The following XPC variants were observed in gnomAD, a reference collection of about 807,000 sequenced individuals.
XPC encodes the protein DNA repair protein complementing XP-C cells.
A neutral mutation model predicts 95.8 loss-of-function variants in XPC; 76 were observed. The observed-to-expected ratio is 0.79, with a 90% CI of 0.66 to 0.96. The LOEUF is 0.96. Among genes scored for constraint, XPC ranks in the 40% least tolerant of loss-of-function variants. XPC has a pLI of 0.00. For synonymous variants in XPC, 442 were observed against 442.1 expected (o/e 1.00, Z 0.00); for missense variants, 1,146 against 1,179.8 (o/e 0.97, Z 0.42).
At chr3:14,150,041 T>A (rs998778531) in intron 11 of XPC, 2 of 152,362 alleles carry the variant, frequency 1.3e-5, no homozygotes, top group African/African-American at 4.8e-5. Flanking sequence ...TAACTGTCCA[T>A]CAGTAGAGCC....
chr3:14,146,012 C>A lies in XPC; in HGVS notation c.2752G>T (p.Gly918Cys), dbSNP rs755842118. The A allele has an allele frequency of 6.2e-7, 1 of 1,612,150 alleles. No individual in the cohort carries two copies. The highest frequency in any genetic ancestry group is 1.7e-5 in the Admixed American group (1 of 59,974). ...TCCCTTTTGGTCTTCTTGGGCCCAC[C>A]CTTCAGCTTCTGCTTTTCTTCATCT... ...REDEEKQKLK[G>C]GPKKTKREKK... The change falls in exon 16 of 16, where the codon GGT (glycine) becomes TGT (cysteine). Residue 918 changes from glycine to cysteine, a missense_variant. Coordinates refer to ENST00000285021, the MANE Select transcript of XPC (RefSeq NM_004628.5).
chr3:14,169,804 C>T (rs1474061046), intron 3 of XPC, among the ~76,000 whole-genome samples: 1 of 152,050 alleles, frequency 6.6e-6, no homozygotes, highest in Admixed American at 6.5e-5. Flanking sequence ...GTTAATGAAC[C>T]TAGGTGAAGG....
At chr3:14,167,414 G>C (rs1046819854) in intron 4 of XPC, 161 bp from the exon 5 acceptor site, 1 of 619,398 alleles carries the variant, frequency 1.6e-6, no homozygotes, top group Non-Finnish European at 2.6e-6. Flanking sequence ...GCTATTTCCT[G>C]CAGGCTCTTT....
chr3:14,165,030 A>C (rs1013946412), intron 6 of XPC, 97 bp from the exon 7 acceptor site: 402 of 1,457,936 alleles, frequency 2.8e-4, no homozygotes, highest in East Asian at 9.3e-4. Context: ...GAATCGTGAG[A>C]CCCGCCTGCC....
At chr3:14,163,593 G>T (rs1696250938) in intron 7 of XPC, among the ~76,000 whole-genome samples, 1 of 151,940 alleles carries the variant, frequency 6.6e-6, no homozygotes, top group Non-Finnish European at 1.5e-5. Context: ...CACGAGCAGG[G>T]ACAGGGGGGT....
chr3:14,167,359 G>A (rs1696426531), intron 4 of XPC, 106 bp from the exon 5 acceptor site: 3 of 1,002,548 alleles, frequency 3.0e-6, no homozygotes, highest in African/African-American at 3.3e-5. Context: ...CACTCTCCCT[G>A]TTTCCCTACA....
At chr3:14,170,642 T>C (rs1467262079) in intron 2 of XPC, 92 bp from the exon 3 acceptor site, 2 of 911,996 alleles carry the variant, frequency 2.2e-6, no homozygotes, top group Non-Finnish European at 3.4e-6. Context: ...CCCCTCCTAT[T>C]TATTGAGAAT....
chr3:14,149,054 C>A (rs962426855), intron 11 of XPC, 106 bp from the exon 12 acceptor site: 8 of 1,476,862 alleles, frequency 5.4e-6, no homozygotes, highest in South Asian at 1.3e-5. Context: ...GGTGAACCCT[C>A]AGAACACACC....
chr3:14,151,746 C>T (rs1008408470), intron 11 of XPC: 1 of 152,546 alleles, frequency 6.6e-6, no homozygotes, highest in Non-Finnish European at 1.5e-5. Context: ...AGCAACCAGC[C>T]TAACAGTGCC....
chr3:14,174,146 T>A lies in XPC; in HGVS notation c.104-1084A>T, dbSNP rs370513922. Among the ~76,000 whole-genome samples the A allele has an allele frequency of 7.2e-4, 109 of 152,334 alleles. 1 individual carries two copies. In the South Asian group the frequency reaches 0.021, roughly 29 times the overall value. ...ATTTATTTTAATGTTAGATCATTGA[T>A]TCCGTTGTTTCTTTAAATGTTTTAT... On this transcript the variant is annotated intron_variant, in intron 1 of 15. Transcript: ENST00000285021.
chr3:14,146,219 G>A, intron 15 of XPC, 60 bp from the exon 16 acceptor site: 2 of 1,487,056 alleles, frequency 1.3e-6, no homozygotes, highest in African/African-American at 2.8e-5. Context: ...ATACCAGGAA[G>A]CCCCATGAAG....
chr3:14,149,085 C>T (rs1695577648), intron 11 of XPC, 137 bp from the exon 12 acceptor site: 1 of 1,284,472 alleles, frequency 7.8e-7, no homozygotes, highest in Non-Finnish European at 1.1e-6. Flanking sequence ...GGTGCTTTTT[C>T]TCCCTTTTTT....
chr3:14,170,077 A>G (rs1275912024), intron 3 of XPC, among the ~76,000 whole-genome samples: 1 of 152,256 alleles, frequency 6.6e-6, no homozygotes, highest in Non-Finnish European at 1.5e-5. Flanking sequence ...CAGAGAGGTG[A>G]AGTTACTTGC....
intron 14 of XPC, chr3:14,147,690 CCA>C: frequency 1.0e-5 from 6 of 599,532 alleles, no homozygotes; most frequent in South Asian, 2.1e-5. Context: ...GCAGTAGACC[CCA>C]GAGCCCGGAC....
chr3:14,171,730 G>A (rs1468399147), intron 2 of XPC, among the ~76,000 whole-genome samples: 1 of 152,104 alleles, frequency 6.6e-6, no homozygotes, highest in African/African-American at 2.4e-5. Context: ...CAGCTACTCA[G>A]GAGGCTCACT....
chr3:14,164,210 T>C (rs1696279848), intron 7 of XPC, among the ~76,000 whole-genome samples: 1 of 152,210 alleles, frequency 6.6e-6, no homozygotes, highest in Admixed American at 6.5e-5. Flanking sequence ...GATTGAACTG[T>C]ATGGATTAAT....
chr3:14,147,535 G>T, intron 14 of XPC, 156 bp from the exon 15 acceptor site: 1 of 734,844 alleles, frequency 1.4e-6, no homozygotes, highest in Non-Finnish European at 2.2e-6. Context: ...AAATTGATCT[G>T]ATTTACAAAG....
At chr3:14,149,366 T>A (rs1695591334) in intron 11 of XPC, 1 of 175,590 alleles carries the variant, frequency 5.7e-6, no homozygotes, top group African/African-American at 2.4e-5. Context: ...ATTACAGGCG[T>A]GAGCCACCGT....
At chr3:14,163,876 C>T (rs1052373253) in intron 7 of XPC, among the ~76,000 whole-genome samples, 2 of 152,118 alleles carry the variant, frequency 1.3e-5, no homozygotes, top group African/African-American at 4.8e-5. Flanking sequence ...GGGTGAAACC[C>T]CATCTCTACT....
Sources: gnomAD v4.1 joint callset for allele counts (sites outside exome capture counted in the v4.1 genomes callset) on GRCh38, gnomAD v4.1.1 for gene constraint, MANE v1.5 for transcripts, NCBI Gene and HGNC (gene_info 2026-07-23, HGNC 2026-07-21) for gene names.